Variants in LAMA2 observed in about 807,000 individuals in gnomAD.
LAMA2 encodes the protein laminin subunit alpha-2.
Under a neutral mutation model 364.8 loss-of-function variants are expected in LAMA2, and 269 were observed. The ratio of observed to expected loss-of-function variants is 0.74; its 90% CI spans 0.67 to 0.82. LAMA2 has a LOEUF of 0.82. LAMA2 is among the 40% of genes least tolerant of loss of function. The pLI is 0.00. For missense variants in LAMA2, 3,807 were observed against 3,873.2 expected, an observed-to-expected ratio of 0.98 and a Z score of 0.45; for synonymous variants, 1,379 against 1,370.6, an observed-to-expected ratio of 1.01 and a Z score of -0.14.
At chr6:129,208,260 T>A (rs1782813897) in intron 12 of LAMA2, among the ~76,000 whole-genome samples, 1 of 152,210 alleles carries the variant, frequency 6.6e-6, no homozygotes, top group Non-Finnish European at 1.5e-5. Flanking sequence ...TCTTAATGTA[T>A]AAAATGAAAA....
intron 1 of LAMA2, among the ~76,000 whole-genome samples, chr6:129,017,410 A>T (rs920076108): frequency 6.6e-6 from 1 of 152,058 alleles, no homozygotes; most frequent in Non-Finnish European, 1.5e-5. Flanking sequence ...GTACATCCAC[A>T]GGTTTGCATA....
chr6:129,151,701 T>A lies in LAMA2; in HGVS notation c.1027+2605T>A, dbSNP rs373848275. ...TACAGGAGAGAGAGGAGAAAGTGAA[T>A]GGGGAAGAGCCCCTTATAAAACCAT... On this transcript the variant is annotated intron_variant, in intron 7 of 64. Coordinates refer to ENST00000421865, the MANE Select transcript of LAMA2 (RefSeq NM_000426.4). 7.5e-4 allele frequency among the ~76,000 whole-genome samples: 114 copies of A among 152,212 alleles called. 3 individuals are homozygous for A. The South Asian group carries it at 0.023, about 31-fold the overall frequency.
chr6:129,118,046 C>T (rs567592453), intron 4 of LAMA2, among the ~76,000 whole-genome samples: 1 of 152,248 alleles, frequency 6.6e-6, no homozygotes, highest in Admixed American at 6.5e-5. Flanking sequence ...ATTAACTAAA[C>T]TTTGCTTGTC....
At chr6:128,920,446 G>A (rs1022215446) in intron 1 of LAMA2, among the ~76,000 whole-genome samples, 13 of 151,918 alleles carry the variant, frequency 8.6e-5, no homozygotes, top group African/African-American at 2.7e-4. Flanking sequence ...GTGAGCCACC[G>A]TGCCGGTCCC....
intron 3 of LAMA2, among the ~76,000 whole-genome samples, chr6:129,084,029 AGG>A (rs1774227484): frequency 6.6e-6 from 1 of 152,236 alleles, no homozygotes; most frequent in Admixed American, 6.5e-5. Flanking sequence ...CCTAAGTTAA[AGG>A]CCGGCACAAT....
intron 3 of LAMA2, among the ~76,000 whole-genome samples, chr6:129,096,853 A>G (rs866552556): frequency 1.2e-4 from 19 of 152,182 alleles, no homozygotes; most frequent in African/African-American, 4.6e-4. Flanking sequence ...TCAAGTAAAC[A>G]TCTTGAAGGA....
At position 129,029,178 on chromosome 6, in the gene LAMA2, C is replaced by T. The variant is rs12664470; in HGVS notation, c.113-20740C>T. 5.7e-3 allele frequency among the ~76,000 whole-genome samples: 860 copies of T among 151,814 alleles called. 47 individuals are homozygous for T. In the East Asian group the frequency reaches 0.13, roughly 22 times the overall value. Reference sequence around the variant, plus strand: ...TTTTTTAGAAGCAAAAATCTCATGACGCTAAAACAAGATGATGAAGAAATT... The same window carrying T: ...TTTTTTAGAAGCAAAAATCTCATGATGCTAAAACAAGATGATGAAGAAATT... On this transcript the variant is annotated intron_variant, in intron 1 of 64. Coordinates refer to ENST00000421865, the MANE Select transcript of LAMA2 (RefSeq NM_000426.4).
intron 3 of LAMA2, among the ~76,000 whole-genome samples, chr6:129,076,424 A>G (rs1019533890): frequency 2.8e-5 from 4 of 144,958 alleles, no homozygotes; most frequent in Middle Eastern, 3.3e-3. Context: ...ATATGTGTGT[A>G]TATATATATA....
At chr6:129,510,079 T>C (rs1273053030) in intron 62 of LAMA2, among the ~76,000 whole-genome samples, 2 of 152,112 alleles carry the variant, frequency 1.3e-5, no homozygotes, top group Admixed American at 6.6e-5. Context: ...GGATGCCCAC[T>C]CTCACCACTG....
At chr6:129,268,906 A>G (rs1787720956) in intron 16 of LAMA2, among the ~76,000 whole-genome samples, 1 of 152,008 alleles carries the variant, frequency 6.6e-6, no homozygotes, top group African/African-American at 2.4e-5. Flanking sequence ...TTCCATTTTG[A>G]GTATATGGGT....
At chr6:129,482,646 C>CTT (rs1246473501) in intron 55 of LAMA2, among the ~76,000 whole-genome samples, 8 of 152,176 alleles carry the variant, frequency 5.3e-5, no homozygotes, top group African/African-American at 1.7e-4. Flanking sequence ...TGTAACAAAT[C>CTT]TTATTTATTT....
intron 1 of LAMA2, among the ~76,000 whole-genome samples, chr6:128,960,829 T>C (rs1362881927): frequency 2.6e-5 from 4 of 152,200 alleles, no homozygotes; most frequent in Non-Finnish European, 5.9e-5. Context: ...GTTTTGTGCA[T>C]GCCATATGTT....
intron 1 of LAMA2, among the ~76,000 whole-genome samples, chr6:128,947,339 T>C (rs34156298): frequency 0.07 from 10,652 of 152,284 alleles, 449 homozygotes; most frequent in South Asian, 0.12. Flanking sequence ...GTCAACTCTT[T>C]CATGAAAATT....
chr6:129,413,652 A>G (rs1322285502), intron 40 of LAMA2, among the ~76,000 whole-genome samples: 5 of 152,232 alleles, frequency 3.3e-5, no homozygotes, highest in Non-Finnish European at 7.4e-5. Context: ...AATAAAAAAC[A>G]TACTTCAAAG....
intron 4 of LAMA2, among the ~76,000 whole-genome samples, chr6:129,142,751 T>C (rs1304078622): frequency 6.6e-6 from 1 of 152,034 alleles, no homozygotes; most frequent in African/African-American, 2.4e-5. Flanking sequence ...ATCTACTCTC[T>C]TAGTCTAACC....
chr6:129,314,580 C>T lies in LAMA2; in HGVS notation c.3412-75C>T, dbSNP rs375627772. On this transcript the variant is annotated intron_variant, in intron 23 of 64. Transcript: ENST00000421865. ...AAATTTTTTAAAAAGAGTATGCTCC[C>T]GTTATGCATTCTCAGGGTGATTTCT... 328 of 1,368,664 alleles carry T rather than the reference C, an allele frequency of 2.4e-4. No individual in the cohort carries two copies. In the African/African-American group the frequency reaches 3.9e-3, roughly 16 times the overall value. The allele number at this position is 1,368,664 out of a possible 1,614,324, so 84.8% of individuals were successfully genotyped here.
In LAMA2 at chr6:129,342,976, G is replaced by A. The variant is rs57921439; in HGVS notation, c.4436+509G>A. Among the ~76,000 whole-genome samples the A allele has an allele frequency of 9.1e-3, 1,386 of 152,076 alleles. 17 individuals carry two copies. The highest frequency in any genetic ancestry group is 0.03 in the African/African-American group (1,263 of 41,494). ...TATGCTCCAAAAAATGTCATCTCCC[G>A]GAATCACAGCCTCCTTTTTCTTAAG... On this transcript the variant is annotated intron_variant, in intron 30 of 64. Coordinates refer to ENST00000421865, the MANE Select transcript of LAMA2 (RefSeq NM_000426.4).
intron 4 of LAMA2, 151 bp downstream of exon 4, chr6:129,098,566 A>C (rs1775324655): frequency 1.1e-6 from 1 of 888,682 alleles, no homozygotes; most frequent in East Asian, 2.7e-5. Flanking sequence ...ATAAAAAAGA[A>C]AAACCTGAGG....
At chr6:129,140,393 T>C (rs780888118) in intron 4 of LAMA2, among the ~76,000 whole-genome samples, 1 of 151,824 alleles carries the variant, frequency 6.6e-6, no homozygotes, top group Non-Finnish European at 1.5e-5. Flanking sequence ...CAAAGAAGAG[T>C]GTCATTTTAA....
Sources: gnomAD v4.1 joint callset for allele counts (sites outside exome capture counted in the v4.1 genomes callset) on GRCh38, gnomAD v4.1.1 for gene constraint, MANE v1.5 for transcripts, NCBI Gene and HGNC (gene_info 2026-07-23, HGNC 2026-07-21) for gene names.